RBM27: variants seen among roughly 807,000 people sequenced by gnomAD.
RBM27 encodes the protein RNA-binding protein 27.
A neutral mutation model predicts 135.3 loss-of-function variants in RBM27; 22 were observed. The observed-to-expected ratio is 0.16, with a 90% CI of 0.12 to 0.23. The LOEUF is 0.23. RBM27 is among the 10% of genes least tolerant of loss of function. RBM27 has a pLI of 1.00. For synonymous variants in RBM27, 481 were observed against 442.4 expected (o/e 1.09, Z -1.10); for missense variants, 1,009 against 1,281.0 (o/e 0.79, Z 3.24).
chr5:146,238,977 C>A (rs1757287199), intron 8 of RBM27, among the ~76,000 whole-genome samples: 1 of 152,072 alleles, frequency 6.6e-6, no homozygotes, highest in Admixed American at 6.6e-5. Context: ...AGTGCCTAGC[C>A]ACTAGTAAGC....
intron 1 of RBM27, among the ~76,000 whole-genome samples, chr5:146,204,503 G>C (rs1755540301): frequency 6.7e-6 from 1 of 149,118 alleles, no homozygotes; most frequent in South Asian, 2.1e-4. Context: ...GGGCTTGATA[G>C]TGCTAGGGGA....
At chr5:146,219,607 A>G (rs1203095626) in intron 2 of RBM27, among the ~76,000 whole-genome samples, 1 of 152,078 alleles carries the variant, frequency 6.6e-6, no homozygotes, top group Non-Finnish European at 1.5e-5. Context: ...CTCTGACCTT[A>G]TCTCCTATCA....
intron 1 of RBM27, among the ~76,000 whole-genome samples, chr5:146,213,255 A>G (rs943543693): frequency 6.6e-6 from 1 of 152,154 alleles, no homozygotes; most frequent in Admixed American, 6.6e-5. Flanking sequence ...GGCATGCACC[A>G]CCATGCCCAG....
chr5:146,267,908 C>A, intron 15 of RBM27, 140 bp downstream of exon 15: 2 of 935,796 alleles, frequency 2.1e-6, no homozygotes, highest in Non-Finnish European at 3.1e-6. Context: ...CTAATGTAAA[C>A]TTGGAAAAAA....
At chr5:146,231,593 T>C (rs1445403811) in intron 6 of RBM27, among the ~76,000 whole-genome samples, 1 of 152,102 alleles carries the variant, frequency 6.6e-6, no homozygotes, top group African/African-American at 2.4e-5. Context: ...CACTAGTAAT[T>C]GTAATTTTTT....
rs888242346 is a variant in RBM27 at position 146,254,947 on chromosome 5, A to C, written c.1449A>C (p.Thr483=). Residue 483 remains threonine, a synonymous_variant, in exon 10 of 21, where the codon ACA becomes ACC. Coordinates refer to ENST00000265271, the MANE Select transcript of RBM27 (RefSeq NM_018989.2). Reference sequence around the variant, plus strand: ...TGTTGCTTTGTTTTCCCTCAGATACATATGAACCAGATGGTTACAACCCAG... The same window carrying C: ...TGTTGCTTTGTTTTCCCTCAGATACCTATGAACCAGATGGTTACAACCCAG... ...VSSPTPLVPD[T]YEPDGYNPEA... The C allele has an allele frequency of 7.0e-6, 11 of 1,579,356 alleles. No homozygotes were observed. The African/African-American group carries it at 1.5e-4, about 21-fold the overall frequency.
chr5:146,249,251 G>A (rs947645674), intron 8 of RBM27, among the ~76,000 whole-genome samples: 1 of 151,984 alleles, frequency 6.6e-6, no homozygotes, highest in Admixed American at 6.6e-5. Flanking sequence ...CCAAATTGTT[G>A]GGTTTATGGA....
intron 8 of RBM27, chr5:146,245,134 TG>T (rs1433128614): frequency 1.3e-5 from 2 of 152,222 alleles, no homozygotes; most frequent in Admixed American, 1.3e-4. Flanking sequence ...ACCAGAATGC[TG>T]GGATTACAGA....
intron 9 of RBM27, 26 bp downstream of exon 9, chr5:146,251,901 C>G (rs890131955): frequency 2.5e-6 from 4 of 1,607,434 alleles, no homozygotes; most frequent in East Asian, 2.2e-5. Flanking sequence ...GATGGCCATC[C>G]ACCTCACTGA....
chr5:146,222,142 A>C (rs543017769), intron 2 of RBM27, among the ~76,000 whole-genome samples: 3 of 152,346 alleles, frequency 2.0e-5, no homozygotes, highest in Admixed American at 2.0e-4. Context: ...TTATTGTCTT[A>C]AGTTTATATG....
At chr5:146,235,780 A>G (rs1018375655) in intron 7 of RBM27, among the ~76,000 whole-genome samples, 30 of 151,758 alleles carry the variant, frequency 2.0e-4, no homozygotes, top group African/African-American at 7.0e-4. Context: ...TCCGCCTCCC[A>G]GGCTTGAAGG....
chr5:146,263,844 C>G lies in RBM27; in HGVS notation c.2331+213C>G, dbSNP rs143811571. On this transcript the variant is annotated intron_variant, in intron 14 of 20. Transcript: ENST00000265271. ...AGGAGGCTGGGCGTGGTGGCTCACA[C>G]CTGTAATCCCAGCACTTTGGGAAGC... Among the ~76,000 whole-genome samples, 29 of 152,166 alleles carry G rather than the reference C, an allele frequency of 1.9e-4. No individual in the cohort carries two copies. The East Asian group carries it at 5.0e-3, about 26-fold the overall frequency.
chr5:146,249,050 G>A (rs1166752464), intron 8 of RBM27, among the ~76,000 whole-genome samples: 5 of 151,800 alleles, frequency 3.3e-5, no homozygotes, highest in African/African-American at 7.3e-5. Context: ...TGGCACAATC[G>A]TGGCTCACTG....
At chr5:146,277,866 A>T (rs1349643749) in intron 19 of RBM27, among the ~76,000 whole-genome samples, 1 of 151,916 alleles carries the variant, frequency 6.6e-6, no homozygotes, top group East Asian at 1.9e-4. Context: ...AGTGCTGCAC[A>T]TTGTAAAACT....
intron 14 of RBM27, among the ~76,000 whole-genome samples, chr5:146,264,504 A>G (rs1006653522): frequency 1.3e-5 from 2 of 152,172 alleles, no homozygotes; most frequent in African/African-American, 4.8e-5. Context: ...AAGTGTCTTT[A>G]TTAATTTCTT....
rs371739038 is a variant in RBM27, at chr5:146,241,655, C to T, written c.1279+4223C>T. Among the ~76,000 whole-genome samples, 92 of 150,174 alleles carry T rather than the reference C, an allele frequency of 6.1e-4. 1 individual carries two copies. The East Asian group carries it at 0.017, about 28-fold the overall frequency. ...TGTATTTTTGGTACAGATGGGGTTT[C>T]GCCATGCTGGCCAGGCAGGTCTCAA... On this transcript the variant is annotated intron_variant, in intron 8 of 20. Transcript: ENST00000265271.
chr5:146,277,676 C>A (rs1759151380), intron 19 of RBM27, among the ~76,000 whole-genome samples: 1 of 151,564 alleles, frequency 6.6e-6, no homozygotes, highest in Non-Finnish European at 1.5e-5. Flanking sequence ...GCGCCCGCCA[C>A]CAGGCCCAGC....
At chr5:146,222,154 A>G (rs1756486486) in intron 2 of RBM27, among the ~76,000 whole-genome samples, 1 of 152,244 alleles carries the variant, frequency 6.6e-6, no homozygotes, top group African/African-American at 2.4e-5. Flanking sequence ...GTTTATATGT[A>G]ATAGTCAATG....
At position 146,237,254 on chromosome 5, in the gene RBM27, A is replaced by C. The variant is rs754756648; in HGVS notation, c.1145-44A>C. The C allele has an allele frequency of 6.8e-6, 11 of 1,610,322 alleles. No homozygotes were observed. The East Asian group carries it at 2.5e-4, about 36-fold the overall frequency. ...CTCCTGGCCTGATACTTTTATTAGG[A>C]AATATTAATGCTGTACTTTTCACTT... On this transcript the variant is annotated intron_variant, in intron 7 of 20. Coordinates refer to ENST00000265271, the MANE Select transcript of RBM27 (RefSeq NM_018989.2).
Sources: allele counts gnomAD v4.1 joint callset (sites outside exome capture counted in the v4.1 genomes callset), GRCh38; gene constraint gnomAD v4.1.1; transcripts MANE v1.5; gene names NCBI Gene and HGNC (gene_info 2026-07-23, HGNC 2026-07-21).